Variants in COL4A5 observed in about 807,000 individuals in gnomAD.
COL4A5 encodes collagen type IV alpha 5 chain, also known as collagen alpha-5(IV) chain.
A neutral mutation model predicts 130.2 loss-of-function variants in COL4A5; 26 were observed. That is an observed-to-expected ratio of 0.20 (90% CI 0.15 to 0.28). The LOEUF is 0.28. Among genes scored for constraint, COL4A5 ranks in the 10% least tolerant of loss-of-function variants. The pLI is 1.00. For synonymous variants in COL4A5, 496 were observed against 439.6 expected (o/e 1.13, Z -1.60); for missense variants, 1,131 against 1,344.3 (o/e 0.84, Z 2.48).
chrX:108,680,444 C>G (rs1277846318), intron 44 of COL4A5, among the ~76,000 whole-genome samples: 1 of 111,245 alleles, frequency 9.0e-6, no homozygotes, highest in Non-Finnish European at 1.9e-5. Flanking sequence ...CACCACAACC[C>G]TATGAAGTAA....
chrX:108,601,278 G>C (rs748855673), intron 25 of COL4A5, 115 bp from the exon 26 acceptor site: 1 of 505,159 alleles, frequency 2.0e-6, no homozygotes, highest in Admixed American at 3.3e-5. Flanking sequence ...GTGAATTTTT[G>C]TTAGTTTACA....
chrX:108,578,525 C>A, intron 13 of COL4A5, 142 bp downstream of exon 13: 1 of 484,849 alleles, frequency 2.1e-6, no homozygotes. Flanking sequence ...TTTAATTTGT[C>A]AGTTATACCT....
intron 40 of COL4A5, among the ~76,000 whole-genome samples, chrX:108,667,871 T>A (rs776586125): frequency 9.0e-6 from 1 of 111,378 alleles, no homozygotes; most frequent in Non-Finnish European, 1.9e-5. Flanking sequence ...TAGACGGTGA[T>A]TATAAATATT....
chrX:108,686,743 C>T (rs1377790143), intron 48 of COL4A5, among the ~76,000 whole-genome samples: 1 of 111,985 alleles, frequency 8.9e-6, no homozygotes, highest in Admixed American at 9.5e-5. Context: ...GAGGATCATA[C>T]ATTATATATG....
intron 1 of COL4A5, among the ~76,000 whole-genome samples, chrX:108,481,357 G>A (rs1234889484): frequency 9.0e-6 from 1 of 111,361 alleles, no homozygotes; most frequent in Non-Finnish European, 1.9e-5. Context: ...ATGTAGTGGG[G>A]TGCTTCCTCA....
intron 1 of COL4A5, among the ~76,000 whole-genome samples, chrX:108,469,370 C>T: frequency 9.1e-6 from 1 of 109,393 alleles, no homozygotes; most frequent in Non-Finnish European, 1.9e-5. Context: ...GTCTCAAACT[C>T]CTGGGCTCAA....
intron 1 of COL4A5, among the ~76,000 whole-genome samples, chrX:108,452,404 A>G (rs955693809): frequency 8.9e-6 from 1 of 111,851 alleles, no homozygotes; most frequent in Non-Finnish European, 1.9e-5. Context: ...GAATCTATAA[A>G]TTGCCTTGGG....
Position 108,523,102 on chromosome X carries a change from C to A in COL4A5, c.82-16644C>A, listed in dbSNP as rs773048771. Among the ~76,000 whole-genome samples, 37 of 110,542 alleles carry A rather than the reference C, an allele frequency of 3.3e-4. 1 individual carries two copies. In the South Asian group the frequency reaches 0.015, roughly 44 times the overall value. ...ATGTTGGCCAGGCTGGTCTTGAACT[C>A]CTGACCTCAGGTGACCTGCCTTCCT... On this transcript the variant is annotated intron_variant, in intron 1 of 52. Transcript: ENST00000328300.
At chrX:108,519,934 T>C (rs151001579) in intron 1 of COL4A5, among the ~76,000 whole-genome samples, 43 of 112,050 alleles carry the variant, frequency 3.8e-4, no homozygotes, top group African/African-American at 1.3e-3. Context: ...TCTAATTTCT[T>C]TGTAGATTCT....
chrX:108,670,249 A>C lies in COL4A5; in HGVS notation c.3799+13A>C. On this transcript the variant is annotated intron_variant, in intron 42 of 52. Coordinates refer to ENST00000328300, the MANE Select transcript of COL4A5 (RefSeq NM_033380.3). ...CCAGGTCCTACAGGTTAGCTCCTTAACTCCAAAGTAGTAACTGCATGAAGT... is the reference window on the plus strand; with the variant it reads ...CCAGGTCCTACAGGTTAGCTCCTTACCTCCAAAGTAGTAACTGCATGAAGT... 8.3e-7 allele frequency: 1 copy of C among 1,209,776 alleles called. No individual in the cohort carries two copies. Among genetic ancestry groups the C allele is most frequent in the African/African-American group, 1.7e-5 (1 of 57,681 alleles).
At chrX:108,522,543 T>C (rs765059066) in intron 1 of COL4A5, among the ~76,000 whole-genome samples, 1 of 104,914 alleles carries the variant, frequency 9.5e-6, no homozygotes, top group East Asian at 2.9e-4. Context: ...ATTAACGATG[T>C]TGAGCATATA....
chrX:108,605,643 A>T (rs922131954), intron 28 of COL4A5, among the ~76,000 whole-genome samples: 6 of 112,245 alleles, frequency 5.3e-5, no homozygotes, highest in African/African-American at 1.9e-4. Flanking sequence ...CATACCTTCA[A>T]TTTGTAAAAA....
intron 36 of COL4A5, among the ~76,000 whole-genome samples, chrX:108,635,155 T>A (rs1471391909): frequency 9.0e-6 from 1 of 110,999 alleles, no homozygotes; most frequent in Non-Finnish European, 1.9e-5. Context: ...GTCCTGGGTT[T>A]GTGTACATGA....
At chrX:108,670,791 C>G (rs1176151443) in intron 42 of COL4A5, 1 of 286,139 alleles carries the variant, frequency 3.5e-6, no homozygotes, top group East Asian at 1.0e-4. Flanking sequence ...ACTGTAATCC[C>G]AGCACTTTGG....
intron 16 of COL4A5, 39 bp downstream of exon 16, chrX:108,581,066 A>T: frequency 8.8e-7 from 1 of 1,132,704 alleles, no homozygotes; most frequent in Non-Finnish European, 1.2e-6. Flanking sequence ...AAAACTGGAG[A>T]CATTTATGTG....
At chrX:108,456,553 G>A (rs961103556) in intron 1 of COL4A5, among the ~76,000 whole-genome samples, 1 of 110,942 alleles carries the variant, frequency 9.0e-6, no homozygotes, top group East Asian at 2.8e-4. Context: ...ATGTCTTTTT[G>A]TCCTGGCTAT....
At chrX:108,464,146 A>G (rs190343984) in intron 1 of COL4A5, among the ~76,000 whole-genome samples, 74 of 111,764 alleles carry the variant, frequency 6.6e-4, no homozygotes, top group Non-Finnish European at 1.2e-3. Context: ...CTCTTCCAAT[A>G]TAATTTAGTT....
intron 2 of COL4A5, among the ~76,000 whole-genome samples, chrX:108,548,566 A>C (rs2065702296): frequency 8.9e-6 from 1 of 111,801 alleles, no homozygotes; most frequent in Non-Finnish European, 1.9e-5. Flanking sequence ...ATTATGGGGC[A>C]CTAAGAATGG....
At chrX:108,551,809 C>T (rs910553137) in intron 2 of COL4A5, among the ~76,000 whole-genome samples, 1 of 111,909 alleles carries the variant, frequency 8.9e-6, no homozygotes, top group African/African-American at 3.2e-5. Context: ...TGGAATCAAC[C>T]TAGATGCCCA....
Sources: gnomAD v4.1 joint callset for allele counts (sites outside exome capture counted in the v4.1 genomes callset) on GRCh38, gnomAD v4.1.1 for gene constraint, MANE v1.5 for transcripts, NCBI Gene and HGNC (gene_info 2026-07-23, HGNC 2026-07-21) for gene names.